The following TRPC4AP variants were observed in gnomAD, a reference collection of about 807,000 sequenced individuals.
The protein encoded by TRPC4AP is short transient receptor potential channel 4-associated protein.
TRPC4AP carries 45 observed loss-of-function variants against 99.0 expected under a neutral mutation model. The ratio of observed to expected loss-of-function variants is 0.45; its 90% CI spans 0.36 to 0.58. TRPC4AP has a LOEUF of 0.58. Ranked by LOEUF, TRPC4AP falls within the 20% of genes least tolerant of loss-of-function variation. TRPC4AP has a pLI of 0.00. For synonymous variants in TRPC4AP, 408 were observed against 385.8 expected (o/e 1.06, Z -0.67); for missense variants, 879 against 985.3 (o/e 0.89, Z 1.44).
At chr20:35,038,865 G>T (rs2083385124) in intron 7 of TRPC4AP, among the ~76,000 whole-genome samples, 1 of 152,182 alleles carries the variant, frequency 6.6e-6, no homozygotes, top group African/African-American at 2.4e-5. Context: ...CTGAGTTTGG[G>T]AGTTCAAGAC....
At chr20:35,073,026 T>C (rs751541371) in intron 2 of TRPC4AP, among the ~76,000 whole-genome samples, 1 of 152,174 alleles carries the variant, frequency 6.6e-6, no homozygotes, top group Non-Finnish European at 1.5e-5. Context: ...TTCCTAAGTA[T>C]TTTAGTCTCT....
intron 6 of TRPC4AP, among the ~76,000 whole-genome samples, chr20:35,046,707 C>T (rs1056961049): frequency 1.3e-5 from 2 of 152,088 alleles, no homozygotes; most frequent in African/African-American, 2.4e-5. Context: ...TTCCACTTTT[C>T]CTTTTCCCTA....
At chr20:35,005,188 T>C (rs1455877445) in intron 16 of TRPC4AP, among the ~76,000 whole-genome samples, 3 of 152,208 alleles carry the variant, frequency 2.0e-5, no homozygotes, top group Non-Finnish European at 2.9e-5. Context: ...GGGATACTTC[T>C]TGCTATCAAT....
intron 5 of TRPC4AP, among the ~76,000 whole-genome samples, chr20:35,053,102 A>G (rs554526147): frequency 3.3e-5 from 5 of 152,364 alleles, no homozygotes; most frequent in African/African-American, 9.6e-5. Flanking sequence ...CAGGGAGCAT[A>G]TAATTTAATA....
chr20:35,026,821 T>C (rs2083042009), intron 8 of TRPC4AP, among the ~76,000 whole-genome samples: 1 of 152,108 alleles, frequency 6.6e-6, no homozygotes, highest in Non-Finnish European at 1.5e-5. Flanking sequence ...GATCCTATTA[T>C]AAATAAAATT....
chr20:35,003,326 G>A (rs1273581879), intron 18 of TRPC4AP, 43 bp from the exon 19 acceptor site: 2 of 1,613,520 alleles, frequency 1.2e-6, no homozygotes, highest in Non-Finnish European at 1.7e-6. Context: ...GGAGGACCCA[G>A]GTCAAGCCCA....
In TRPC4AP at chr20:35,035,104, G is replaced by A. The variant is rs199649804; in HGVS notation, c.1051+19C>T. ...CAAGGAAAAGCTCCCGATCACTCAG[G>A]GGACCCATCCTTCCATACCTTGATT... On this transcript the variant is annotated intron_variant, in intron 8 of 18. Coordinates refer to ENST00000252015, the MANE Select transcript of TRPC4AP (RefSeq NM_015638.3). 254 of 1,606,354 alleles carry A rather than the reference G, an allele frequency of 1.6e-4. 1 individual carries two copies. Among genetic ancestry groups the A allele is most frequent in the Middle Eastern group, 5.0e-4 (3 of 6,040 alleles).
intron 6 of TRPC4AP, among the ~76,000 whole-genome samples, chr20:35,045,015 A>G (rs987499378): frequency 6.6e-6 from 1 of 152,180 alleles, no homozygotes; most frequent in African/African-American, 2.4e-5. Flanking sequence ...TTAAAAAAAA[A>G]GGAAATGCCT....
chr20:35,021,923 A>C (rs1027212009), intron 8 of TRPC4AP, among the ~76,000 whole-genome samples: 2 of 152,238 alleles, frequency 1.3e-5, no homozygotes, highest in Non-Finnish European at 2.9e-5. Flanking sequence ...TATTATCTAC[A>C]GGCAGATTTT....
At position 35,013,081 on chromosome 20, in the gene TRPC4AP, C is replaced by T. The variant is rs760173943; in HGVS notation, c.1351-15G>A. 1 of 1,613,988 alleles carries T rather than the reference C, an allele frequency of 6.2e-7. No individual in the cohort carries two copies. The highest frequency in any genetic ancestry group is 8.5e-7 in the Non-Finnish European group (1 of 1,179,916). On this transcript the variant is annotated splice_polypyrimidine_tract_variant and intron_variant, in intron 10 of 18. Coordinates refer to ENST00000252015, the MANE Select transcript of TRPC4AP (RefSeq NM_015638.3). ...AAGGTGATGTCCTGAAACACATGCA[C>T]AGCCTCAATGTTAGGACCACAGCCA...
chr20:35,082,411 A>G (rs2084671244), intron 1 of TRPC4AP, among the ~76,000 whole-genome samples: 1 of 152,234 alleles, frequency 6.6e-6, no homozygotes, highest in African/African-American at 2.4e-5. Flanking sequence ...ACTATGTTCC[A>G]CATCAGAAAG....
chr20:35,076,780 C>G (rs8116257), intron 2 of TRPC4AP, among the ~76,000 whole-genome samples: 21,125 of 152,166 alleles, frequency 0.14, 1,836 homozygotes, highest in African/African-American at 0.25. Context: ...AACCACTACT[C>G]TCTTCAAAGC....
chr20:35,015,862 T>C (rs904563502), intron 10 of TRPC4AP, 146 bp downstream of exon 10: 11 of 989,040 alleles, frequency 1.1e-5, no homozygotes, highest in Admixed American at 2.7e-5. Context: ...TACTCCAAGG[T>C]AGCTTCCAAT....
At chr20:35,090,024 G>A (rs1483992174) in intron 1 of TRPC4AP, among the ~76,000 whole-genome samples, 1 of 151,372 alleles carries the variant, frequency 6.6e-6, no homozygotes, top group Non-Finnish European at 1.5e-5. Context: ...GGAGGCTAAG[G>A]TGGGAGGATC....
intron 4 of TRPC4AP, among the ~76,000 whole-genome samples, chr20:35,056,917 C>T (rs892948583): frequency 1.9e-4 from 26 of 134,010 alleles, no homozygotes; most frequent in Admixed American, 1.8e-3. Context: ...GCTCAGGAGG[C>T]GGAGGTTGCA....
chr20:35,026,933 G>A (rs1413745846), intron 8 of TRPC4AP, among the ~76,000 whole-genome samples: 1 of 151,890 alleles, frequency 6.6e-6, no homozygotes, highest in African/African-American at 2.4e-5. Context: ...CTATTTATTA[G>A]TTTACTGGTT....
chr20:35,073,859 T>C (rs1288126767), intron 2 of TRPC4AP, among the ~76,000 whole-genome samples: 1 of 152,238 alleles, frequency 6.6e-6, no homozygotes, highest in Non-Finnish European at 1.5e-5. Context: ...AGCTCCTCTT[T>C]GTACCTCTGG....
At chr20:35,041,972 G>A (rs969376344) in intron 7 of TRPC4AP, among the ~76,000 whole-genome samples, 2 of 152,170 alleles carry the variant, frequency 1.3e-5, no homozygotes, top group African/African-American at 2.4e-5. Flanking sequence ...ATGGAGGTGT[G>A]TACACCAGCT....
chr20:35,003,820 C>G (rs528483298), intron 17 of TRPC4AP, among the ~76,000 whole-genome samples: 1 of 152,318 alleles, frequency 6.6e-6, no homozygotes, highest in South Asian at 2.1e-4. Context: ...TTCCTCTTCC[C>G]CACGCCCACC....
Sources: allele counts gnomAD v4.1 joint callset (sites outside exome capture counted in the v4.1 genomes callset), GRCh38; gene constraint gnomAD v4.1.1; transcripts MANE v1.5; gene names NCBI Gene and HGNC (gene_info 2026-07-23, HGNC 2026-07-21).